The following SLC35D4 variants were observed in gnomAD, a reference collection of about 807,000 sequenced individuals.
SLC35D4 encodes the protein UDP-N-acetylglucosamine transporter SLC35D4.
the SLC35D4 span, among the ~76,000 whole-genome samples, chr18:23,247,346 T>C: frequency 6.6e-6 from 1 of 152,118 alleles, no homozygotes; most frequent in East Asian, 1.9e-4. Flanking sequence ...CTGGAAAGGG[T>C]GGCCCTGGGC....
the SLC35D4 span, among the ~76,000 whole-genome samples, chr18:23,379,082 T>C: frequency 6.6e-6 from 1 of 151,724 alleles, no homozygotes. Flanking sequence ...GGCTCACACC[T>C]GCGTAACTGC....
the SLC35D4 span, among the ~76,000 whole-genome samples, chr18:23,314,486 A>C: frequency 6.6e-6 from 1 of 152,188 alleles, no homozygotes; most frequent in East Asian, 1.9e-4. Flanking sequence ...GTGCTCTGAC[A>C]CCACCTTCAA....
chr18:23,352,980 C>T, the SLC35D4 span, among the ~76,000 whole-genome samples: 1 of 152,032 alleles, frequency 6.6e-6, no homozygotes, highest in Middle Eastern at 3.2e-3. Context: ...CAACTATTTC[C>T]AAAAGTGCCC....
the SLC35D4 span, among the ~76,000 whole-genome samples, chr18:23,277,265 G>GTA: frequency 6.6e-6 from 1 of 152,208 alleles, no homozygotes; most frequent in Non-Finnish European, 1.5e-5. Flanking sequence ...TACTGTTCTT[G>GTA]TGGTAGTGAA....
At chr18:23,242,496 A>T in the SLC35D4 span, among the ~76,000 whole-genome samples, 1 of 152,174 alleles carries the variant, frequency 6.6e-6, no homozygotes, top group Admixed American at 6.5e-5. Flanking sequence ...GAGAGTGGTT[A>T]TGTATCATTA....
chr18:23,407,652 A>G, the SLC35D4 span, among the ~76,000 whole-genome samples: 1 of 152,164 alleles, frequency 6.6e-6, no homozygotes, highest in Non-Finnish European at 1.5e-5. Context: ...CTAATAATAA[A>G]GGAACTTTAA....
chr18:23,276,299 A>G, the SLC35D4 span, among the ~76,000 whole-genome samples: 12 of 152,104 alleles, frequency 7.9e-5, no homozygotes, highest in Admixed American at 6.5e-4. Flanking sequence ...CGTGTTAGCC[A>G]GGATGGTCTC....
the SLC35D4 span, among the ~76,000 whole-genome samples, chr18:23,264,526 C>A: frequency 2.2e-4 from 33 of 151,982 alleles, no homozygotes; most frequent in African/African-American, 7.7e-4. Context: ...CTACGCCCGG[C>A]TAATTTTTGT....
chr18:23,424,579 C>T, the SLC35D4 span, among the ~76,000 whole-genome samples: 2 of 152,180 alleles, frequency 1.3e-5, no homozygotes, highest in Admixed American at 6.5e-5. Flanking sequence ...TATGCACATT[C>T]GCTAAGTCCC....
chr18:23,420,626 T>A, the SLC35D4 span, among the ~76,000 whole-genome samples: 6,224 of 152,048 alleles, frequency 0.041, 194 homozygotes, highest in Non-Finnish European at 0.057. Context: ...TCTTCCTGCC[T>A]TGGTTTCCCA....
chr18:23,376,148 C>T, the SLC35D4 span, among the ~76,000 whole-genome samples: 1 of 152,184 alleles, frequency 6.6e-6, no homozygotes, highest in African/African-American at 2.4e-5. Context: ...TGCCATATGC[C>T]ATCTCCCACC....
chr18:23,297,893 T>C, the SLC35D4 span: 1 of 1,298,822 alleles, frequency 7.7e-7, no homozygotes, highest in Non-Finnish European at 1.1e-6. Flanking sequence ...TCACTGTCCT[T>C]GCATTCCTCT....
the SLC35D4 span, among the ~76,000 whole-genome samples, chr18:23,403,938 T>C: frequency 6.6e-6 from 1 of 152,076 alleles, no homozygotes. Flanking sequence ...GCTAACATGG[T>C]GAAACCCCAT....
chr18:23,341,630 G>A, the SLC35D4 span, among the ~76,000 whole-genome samples: 7 of 152,176 alleles, frequency 4.6e-5, no homozygotes, highest in African/African-American at 1.4e-4. Flanking sequence ...TGCTAAGTAC[G>A]ATTTTGTCGT....
chr18:23,354,497 G>A, the SLC35D4 span, among the ~76,000 whole-genome samples: 2 of 149,402 alleles, frequency 1.3e-5, no homozygotes, highest in African/African-American at 2.5e-5. Context: ...TCTAACCTGG[G>A]CGACAGAGCG....
chr18:23,379,858 G>A, the SLC35D4 span, among the ~76,000 whole-genome samples: 1 of 152,044 alleles, frequency 6.6e-6, no homozygotes, highest in African/African-American at 2.4e-5. Flanking sequence ...CACTTGGGGA[G>A]GCCGAGGAGG....
chr18:23,437,924 A>C, the SLC35D4 span: 2 of 1,477,610 alleles, frequency 1.4e-6, no homozygotes, highest in South Asian at 1.2e-5. Context: ...CGACCCCCGC[A>C]GCAGCAGCAG....
At chr18:23,375,980 C>T in the SLC35D4 span, among the ~76,000 whole-genome samples, 2 of 152,116 alleles carry the variant, frequency 1.3e-5, no homozygotes, top group Non-Finnish European at 2.9e-5. Flanking sequence ...AGCATAAAAC[C>T]CAAATTATCA....
At chr18:23,242,091 C>T in the SLC35D4 span, among the ~76,000 whole-genome samples, 4 of 152,088 alleles carry the variant, frequency 2.6e-5, no homozygotes, top group East Asian at 1.9e-4. Flanking sequence ...GCCTGACCAA[C>T]GTGGTGAAAC....
Sources: gnomAD v4.1 joint callset for allele counts (sites outside exome capture counted in the v4.1 genomes callset) on GRCh38, gnomAD v4.1.1 for gene constraint, MANE v1.5 for transcripts, NCBI Gene and HGNC (gene_info 2026-07-23, HGNC 2026-07-21) for gene names.